The following KIRREL3 variants were observed in gnomAD, a reference collection of about 807,000 sequenced individuals.
The protein encoded by KIRREL3 is kirre like nephrin family adhesion molecule 3.
KIRREL3 carries 36 observed loss-of-function variants against 89.7 expected under a neutral mutation model. The ratio of observed to expected loss-of-function variants is 0.40; its 90% CI spans 0.31 to 0.53. KIRREL3 has a LOEUF of 0.53. Ranked by LOEUF, KIRREL3 falls within the 20% of genes least tolerant of loss-of-function variation. The pLI, the probability that KIRREL3 is intolerant of heterozygous loss-of-function variation, is 0.49. For missense variants in KIRREL3, 864 were observed against 1,056.6 expected (o/e 0.82, Z 2.53); for synonymous variants, 445 against 441.4 (o/e 1.01, Z -0.10).
intron 1 of KIRREL3, among the ~76,000 whole-genome samples, chr11:126,714,902 C>T (rs562143108): frequency 2.0e-5 from 3 of 152,290 alleles, no homozygotes; most frequent in Middle Eastern, 6.8e-3. Context: ...GAAGGAGGCC[C>T]CTGCTGGGTG....
chr11:126,458,447 C>T (rs1000283070), intron 6 of KIRREL3, among the ~76,000 whole-genome samples: 3 of 121,440 alleles, frequency 2.5e-5, no homozygotes, highest in African/African-American at 3.3e-5. Context: ...AGCTGCAGAC[C>T]GAGCCGGCCT....
Position 126,459,840 on chromosome 11 carries a change from G to A in KIRREL3, c.742+3317C>T, listed in dbSNP as rs891003986. Among the ~76,000 whole-genome samples the A allele has an allele frequency of 2.0e-5, 3 of 152,140 alleles. No individual in the cohort carries two copies. Among genetic ancestry groups the A allele is most frequent in the African/African-American group, 7.2e-5 (3 of 41,414 alleles). On this transcript the variant is annotated intron_variant, in intron 6 of 16. Coordinates refer to ENST00000525144, the MANE Select transcript of KIRREL3 (RefSeq NM_032531.4). This position sits in a 1 kb window ranked among gnomAD's most constrained non-coding sequence, Gnocchi z 4.8. ...CACATTCATTTGAAACTTGGCAGCT[G>A]GACACAGAGTCCAGATGTGGTGAGG...
At chr11:126,631,128 C>T (rs79169415) in intron 1 of KIRREL3, among the ~76,000 whole-genome samples, 1,715 of 19,610 alleles carry the variant, frequency 0.087, 11 homozygotes, top group East Asian at 0.36. Flanking sequence ...TGTATGTATT[C>T]ATTCATTCAT....
rs555723993 is a variant in KIRREL3 at position 126,965,728 on chromosome 11, A to G, written c.55+34727T>C. On this transcript the variant is annotated intron_variant, in intron 1 of 16. Coordinates refer to ENST00000525144, the MANE Select transcript of KIRREL3 (RefSeq NM_032531.4). This position sits in a 1 kb window ranked among gnomAD's most constrained non-coding sequence, Gnocchi z 4.4. ...TTTCCTTCTGACTTTGGAGTGCGTT[A>G]TTTTCCCGTGTTTTACGTTGGCCTT... Among the ~76,000 whole-genome samples the G allele has an allele frequency of 6.6e-6, 1 of 152,136 alleles. No homozygotes were observed. The highest frequency in any genetic ancestry group is 2.4e-5 in the African/African-American group (1 of 41,420).
At chr11:126,787,892 G>T (rs1950528446) in intron 1 of KIRREL3, among the ~76,000 whole-genome samples, 2 of 152,150 alleles carry the variant, frequency 1.3e-5, no homozygotes, top group African/African-American at 4.8e-5. Context: ...CTTCTTCTTG[G>T]CATTCATTAA....
At position 126,527,380 on chromosome 11, in the gene KIRREL3, T is replaced by C. The variant is rs985680995; in HGVS notation, c.134-693A>G. ...GACACCATGCCTCCTCAAAACGAGA[T>C]GGCCAGAATCATCGAAGAGAGTCAG... On this transcript the variant is annotated intron_variant, in intron 2 of 16. Coordinates refer to ENST00000525144, the MANE Select transcript of KIRREL3 (RefSeq NM_032531.4). The surrounding 1 kb of genome is among the most constrained non-coding windows in gnomAD (Gnocchi z 4.2). 7.2e-5 allele frequency among the ~76,000 whole-genome samples: 11 copies of C among 152,162 alleles called. No homozygotes were observed. The highest frequency in any genetic ancestry group is 2.1e-4 in the South Asian group (1 of 4,828).
chr11:126,888,974 T>C (rs892873943), intron 1 of KIRREL3, among the ~76,000 whole-genome samples: 19 of 152,180 alleles, frequency 1.2e-4, no homozygotes, highest in African/African-American at 4.6e-4. Context: ...TCCACGGAGA[T>C]TAAGATCCCA....
rs904977796 is a variant in KIRREL3 at position 126,623,527 on chromosome 11, A to G, written c.56-60615T>C. Among the ~76,000 whole-genome samples the G allele has an allele frequency of 6.6e-6, 1 of 152,092 alleles. No homozygotes were observed. The highest frequency in any genetic ancestry group is 1.5e-5 in the Non-Finnish European group (1 of 68,022). On this transcript the variant is annotated intron_variant, in intron 1 of 16. Transcript: ENST00000525144. The surrounding 1 kb of genome is among the most constrained non-coding windows in gnomAD (Gnocchi z 4.1). ...TTTTGTAGCCACTGGAATGATCAGAAAAACGTCTGTGTGAATCTTGCATGA... is the reference window on the plus strand; with the variant it reads ...TTTTGTAGCCACTGGAATGATCAGAGAAACGTCTGTGTGAATCTTGCATGA...
chr11:126,868,173 T>C (rs998955457), intron 1 of KIRREL3, among the ~76,000 whole-genome samples: 3 of 152,152 alleles, frequency 2.0e-5, no homozygotes, highest in African/African-American at 7.2e-5. Flanking sequence ...AAGCATGTGC[T>C]ATGGCATACC....
intron 1 of KIRREL3, chr11:126,935,360 C>G (rs1948141188): frequency 6.6e-6 from 1 of 151,322 alleles, no homozygotes; most frequent in Non-Finnish European, 1.5e-5. Flanking sequence ...TATGTTCCAG[C>G]AGTTATTCTC....
At position 126,564,750 on chromosome 11, in the gene KIRREL3, C is replaced by A. The variant is rs1243297568; in HGVS notation, c.56-1838G>T. Among the ~76,000 whole-genome samples, 1 of 152,180 alleles carries A rather than the reference C, an allele frequency of 6.6e-6. No homozygotes were observed. Among genetic ancestry groups the A allele is most frequent in the Non-Finnish European group, 1.5e-5 (1 of 68,042 alleles). On this transcript the variant is annotated intron_variant, in intron 1 of 16. Coordinates refer to ENST00000525144, the MANE Select transcript of KIRREL3 (RefSeq NM_032531.4). The surrounding 1 kb of genome is among the most constrained non-coding windows in gnomAD (Gnocchi z 7.4). ...TGTATTTGTGGATTCTTTCTAACAA[C>A]CACCTTCAAGAGGCAGGAATGCAGC...
chr11:126,658,587 T>C lies in KIRREL3; in HGVS notation c.56-95675A>G, dbSNP rs188890758. The stretch of plus-strand genomic sequence containing the variant: ...TAAAGTATTTAACCTATTGATCTTT[T>C]ATACTTTGCCAGCCCTACATTGCTG... On this transcript the variant is annotated intron_variant, in intron 1 of 16. Transcript: ENST00000525144. 2.7e-3 allele frequency among the ~76,000 whole-genome samples: 418 copies of C among 152,342 alleles called. 1 individual carries two copies. Among genetic ancestry groups the C allele is most frequent in the Non-Finnish European group, 4.8e-3 (325 of 68,026 alleles).
Position 126,579,334 on chromosome 11 carries a change from G to A in KIRREL3, c.56-16422C>T, listed in dbSNP as rs1374025545. On this transcript the variant is annotated intron_variant, in intron 1 of 16. Coordinates refer to ENST00000525144, the MANE Select transcript of KIRREL3 (RefSeq NM_032531.4). This position sits in a 1 kb window ranked among gnomAD's most constrained non-coding sequence, Gnocchi z 5.3. Reference sequence around the variant, plus strand: ...CCAAGGGGTGCAAGCTGCTCTGTCAGTTATGACTTCCTCGGGTACCTGAGA... The same window carrying A: ...CCAAGGGGTGCAAGCTGCTCTGTCAATTATGACTTCCTCGGGTACCTGAGA... 6.6e-6 allele frequency among the ~76,000 whole-genome samples: 1 copy of A among 152,144 alleles called. No homozygotes were observed. Among genetic ancestry groups the A allele is most frequent in the Admixed American group, 6.5e-5 (1 of 15,278 alleles).
chr11:126,803,522 G>C (rs1473698027), intron 1 of KIRREL3, among the ~76,000 whole-genome samples: 1 of 151,888 alleles, frequency 6.6e-6, no homozygotes, highest in Non-Finnish European at 1.5e-5. Flanking sequence ...ATTTATTATT[G>C]TACATGTATA....
At position 126,520,671 on chromosome 11, in the gene KIRREL3, GCA is replaced by G. The variant is rs1159176008; in HGVS notation, c.433+642_433+643del. ...ACCGAGCCCATTCCCCTGTCTTCAG[GCA>G]AGATGATCCAGGAACGCTGGGCTCC... is the stretch of plus-strand genomic sequence containing the variant. On this transcript the variant is annotated intron_variant, in intron 4 of 16. Transcript: ENST00000525144. The surrounding 1 kb of genome is among the most constrained non-coding windows in gnomAD (Gnocchi z 4.9). 6.6e-6 allele frequency among the ~76,000 whole-genome samples: 1 copy of G among 152,160 alleles called. No individual in the cohort carries two copies. Among genetic ancestry groups the G allele is most frequent in the Non-Finnish European group, 1.5e-5 (1 of 68,026 alleles).
intron 2 of KIRREL3, among the ~76,000 whole-genome samples, chr11:126,536,760 T>G (rs1937924881): frequency 6.6e-6 from 1 of 151,540 alleles, no homozygotes. Context: ...TTTTCCTGCT[T>G]TAGCCTCCAA....
In KIRREL3 at chr11:126,776,064, G is replaced by A. The variant is rs1401176684; in HGVS notation, c.56-213152C>T. On this transcript the variant is annotated intron_variant, in intron 1 of 16. Transcript: ENST00000525144. This position sits in a 1 kb window ranked among gnomAD's most constrained non-coding sequence, Gnocchi z 4.7. ...GGGAGCCTGGGGAAGCTCCCCCAGA[G>A]GGAAGTCAGGCCTGGCCTGGGGATT... Among the ~76,000 whole-genome samples the A allele has an allele frequency of 1.3e-5, 2 of 152,210 alleles. No homozygotes were observed. The highest frequency in any genetic ancestry group is 4.8e-5 in the African/African-American group (2 of 41,450).
chr11:126,641,095 TGAA>T lies in KIRREL3; in HGVS notation c.56-78186_56-78184del, dbSNP rs901523029. Among the ~76,000 whole-genome samples, 6 of 152,188 alleles carry T rather than the reference TGAA, an allele frequency of 3.9e-5. No individual in the cohort carries two copies. The highest frequency in any genetic ancestry group is 6.5e-5 in the Admixed American group (1 of 15,276). On this transcript the variant is annotated intron_variant, in intron 1 of 16. Coordinates refer to ENST00000525144, the MANE Select transcript of KIRREL3 (RefSeq NM_032531.4). This position sits in a 1 kb window ranked among gnomAD's most constrained non-coding sequence, Gnocchi z 5.0. ...CCCCTCTCACGGTCTTCTTCATCTTTGAAGAAGATGATAAACTTGTCAGTGGCA... is the reference window on the plus strand; with the variant it reads ...CCCCTCTCACGGTCTTCTTCATCTTTGAAGATGATAAACTTGTCAGTGGCA...
intron 4 of KIRREL3, among the ~76,000 whole-genome samples, chr11:126,473,841 T>C (rs1396239924): frequency 1.3e-5 from 2 of 152,232 alleles, no homozygotes; most frequent in Admixed American, 1.3e-4. Context: ...TCACCCAGGC[T>C]GGAGTGCAGT....
Sources: allele counts gnomAD v4.1 joint callset (sites outside exome capture counted in the v4.1 genomes callset), GRCh38; gene constraint gnomAD v4.1.1; non-coding constraint Gnocchi (gnomAD v3.1); transcripts MANE v1.5; gene names NCBI Gene and HGNC (gene_info 2026-07-23, HGNC 2026-07-21).